The following CAB39 variants were observed in gnomAD, a reference collection of about 807,000 sequenced individuals.
The protein encoded by CAB39 is calcium binding protein 39.
A neutral mutation model predicts 40.0 loss-of-function variants in CAB39; 8 were observed. That is an observed-to-expected ratio of 0.20 (90% CI 0.12 to 0.36). The LOEUF (loss-of-function observed/expected upper bound fraction) is 0.36, where lower values mean the gene tolerates loss of function less well. Ranked by LOEUF, CAB39 falls within the 10% of genes least tolerant of loss-of-function variation. The pLI is 1.00. For missense variants in CAB39, 270 were observed against 401.1 expected, an observed-to-expected ratio of 0.67 and a Z score of 2.79; for synonymous variants, 156 against 141.6, an observed-to-expected ratio of 1.10 and a Z score of -0.72.
In CAB39 at chr2:230,790,985, T is replaced by C; in HGVS notation, c.228T>C (p.Asn76=). 1.2e-5 allele frequency: 19 copies of C among 1,611,864 alleles called. No homozygotes were observed. Among genetic ancestry groups the C allele is most frequent in the Non-Finnish European group, 1.6e-5 (19 of 1,178,872 alleles). Residue 76 remains asparagine (N), a synonymous_variant, in exon 3 of 9, where the codon AAT becomes AAC. Transcript: ENST00000258418. ...AVAQLAQELY[N]SGLLSTLVAD... ...CTCAACTTGCTCAAGAACTCTATAATAGTGGGCTCCTTAGCACCCTGGTAG... is the reference window on the plus strand; with the variant it reads ...CTCAACTTGCTCAAGAACTCTATAACAGTGGGCTCCTTAGCACCCTGGTAG...
At chr2:230,738,162 A>G (rs1694819024) in intron 1 of CAB39, among the ~76,000 whole-genome samples, 2 of 152,330 alleles carry the variant, frequency 1.3e-5, no homozygotes, top group East Asian at 1.9e-4. Context: ...CCTTCAGCAC[A>G]CAGTGCCCTG....
At chr2:230,723,782 T>G (rs1189113617) in intron 1 of CAB39, among the ~76,000 whole-genome samples, 2 of 152,210 alleles carry the variant, frequency 1.3e-5, no homozygotes, top group African/African-American at 4.8e-5. Context: ...GTTCCCATTA[T>G]CTCAAACATA....
At chr2:230,815,463 G>GTA (rs1338458720) in intron 7 of CAB39, among the ~76,000 whole-genome samples, 2 of 152,186 alleles carry the variant, frequency 1.3e-5, no homozygotes, top group East Asian at 3.8e-4. Flanking sequence ...AAGGGCTGAG[G>GTA]TATACTACTC....
chr2:230,743,372 CTG>C (rs1694917715), intron 1 of CAB39, among the ~76,000 whole-genome samples: 1 of 152,160 alleles, frequency 6.6e-6, no homozygotes, highest in Non-Finnish European at 1.5e-5. Context: ...AAAAAGCAAT[CTG>C]TGCATTGGAA....
intron 1 of CAB39, among the ~76,000 whole-genome samples, chr2:230,722,699 A>G (rs1694475537): frequency 6.6e-6 from 1 of 152,218 alleles, no homozygotes. Flanking sequence ...TAAGTGTCCA[A>G]TACATTTTAG....
intron 5 of CAB39, among the ~76,000 whole-genome samples, chr2:230,803,991 T>G (rs1696141976): frequency 6.6e-6 from 1 of 152,148 alleles, no homozygotes; most frequent in Non-Finnish European, 1.5e-5. Context: ...CTACCTGACT[T>G]CAAACTCTAC....
intron 1 of CAB39, chr2:230,725,112 G>A: frequency 6.2e-7 from 1 of 1,611,390 alleles, no homozygotes; most frequent in Non-Finnish European, 8.5e-7. Flanking sequence ...CTCTGGTTGA[G>A]GGCTGGGGAT....
chr2:230,727,364 G>A (rs201448804), intron 1 of CAB39, among the ~76,000 whole-genome samples: 3 of 9,592 alleles, frequency 3.1e-4, no homozygotes, highest in East Asian at 3.0e-3. Context: ...ATTGTTAACC[G>A]TGTGTGTGTG....
intron 5 of CAB39, among the ~76,000 whole-genome samples, chr2:230,805,924 T>C (rs1330580981): frequency 6.6e-6 from 1 of 152,192 alleles, no homozygotes; most frequent in Non-Finnish European, 1.5e-5. Flanking sequence ...TGACAAGGCA[T>C]ACTTATCAAA....
intron 2 of CAB39, among the ~76,000 whole-genome samples, chr2:230,773,586 G>A (rs543672594): frequency 6.6e-6 from 1 of 152,210 alleles, no homozygotes; most frequent in South Asian, 2.1e-4. Flanking sequence ...AAACTGCAGT[G>A]TGCCAAGAGA....
chr2:230,790,199 A>C (rs766359122), intron 2 of CAB39, among the ~76,000 whole-genome samples: 2 of 151,802 alleles, frequency 1.3e-5, no homozygotes, highest in Non-Finnish European at 2.9e-5. Flanking sequence ...CTGTGATCTC[A>C]CCACTGCACT....
At chr2:230,713,440 C>T (rs1421429225) in intron 1 of CAB39, 8 of 152,368 alleles carry the variant, frequency 5.3e-5, no homozygotes, top group Admixed American at 3.9e-4. Context: ...GAGACGCTCC[C>T]TTTGCCTTCG....
At chr2:230,753,757 A>G (rs1324348570) in intron 1 of CAB39, among the ~76,000 whole-genome samples, 3 of 151,828 alleles carry the variant, frequency 2.0e-5, no homozygotes, top group African/African-American at 7.3e-5. Flanking sequence ...AAAAAAAAAA[A>G]AAGAAAAGAA....
At chr2:230,724,115 C>T (rs578181996) in intron 1 of CAB39, among the ~76,000 whole-genome samples, 4 of 151,768 alleles carry the variant, frequency 2.6e-5, no homozygotes, top group Non-Finnish European at 5.9e-5. Flanking sequence ...AGTGTGGTGA[C>T]GCACACCTGT....
intron 1 of CAB39, among the ~76,000 whole-genome samples, chr2:230,722,177 G>A (rs1694466087): frequency 6.6e-6 from 1 of 151,794 alleles, no homozygotes; most frequent in East Asian, 1.9e-4. Context: ...TACATAGAAT[G>A]CATTCTAATA....
At chr2:230,775,067 G>T (rs1695561822) in intron 2 of CAB39, among the ~76,000 whole-genome samples, 1 of 151,786 alleles carries the variant, frequency 6.6e-6, no homozygotes, top group African/African-American at 2.4e-5. Flanking sequence ...AGAATGAATT[G>T]ATATTTCAGG....
chr2:230,806,636 T>A (rs916112391), intron 5 of CAB39, among the ~76,000 whole-genome samples: 1 of 152,140 alleles, frequency 6.6e-6, no homozygotes, highest in South Asian at 2.1e-4. Flanking sequence ...GCACTACTTG[T>A]ATTTGAAGTG....
chr2:230,735,894 T>C (rs1575909484), intron 1 of CAB39, among the ~76,000 whole-genome samples: 1 of 152,198 alleles, frequency 6.6e-6, no homozygotes, highest in Admixed American at 6.5e-5. Flanking sequence ...GCTTGAAAAG[T>C]ATGTTGAGAA....
At chr2:230,817,047 A>C (rs6739745) in intron 7 of CAB39, among the ~76,000 whole-genome samples, 8,772 of 152,320 alleles carry the variant, frequency 0.058, 804 homozygotes, top group African/African-American at 0.19. Flanking sequence ...AAGCCGTGAC[A>C]GTTTAAAAGT....
Sources: gnomAD v4.1 joint callset for allele counts (sites outside exome capture counted in the v4.1 genomes callset) on GRCh38, gnomAD v4.1.1 for gene constraint, MANE v1.5 for transcripts, NCBI Gene and HGNC (gene_info 2026-07-23, HGNC 2026-07-21) for gene names.